Variants in DNA2 observed in about 807,000 individuals in gnomAD.
The protein encoded by DNA2 is DNA replication ATP-dependent helicase/nuclease DNA2.
A neutral mutation model predicts 119.1 loss-of-function variants in DNA2; 101 were observed. The ratio of observed to expected loss-of-function variants is 0.85; its 90% confidence interval spans 0.72 to 1.00. The LOEUF is 1.00. Ranked by LOEUF, DNA2 falls within the 50% of genes least tolerant of loss-of-function variation. DNA2 has a pLI of 0.00. For synonymous variants in DNA2, 366 were observed against 424.4 expected (o/e 0.86, Z 1.69); for missense variants, 1,121 against 1,255.5 (o/e 0.89, Z 1.62).
chr10:68,429,684 C>G (rs7901382), intron 14 of DNA2, among the ~76,000 whole-genome samples: 1 of 114,226 alleles, frequency 8.8e-6, no homozygotes, highest in Non-Finnish European at 1.7e-5. Flanking sequence ...TGCACTCCAG[C>G]CTGGGTGACA....
intron 18 of DNA2, 112 bp downstream of exon 18, chr10:68,419,691 C>T: frequency 1.4e-6 from 1 of 722,828 alleles, no homozygotes; most frequent in Non-Finnish European, 2.4e-6. Flanking sequence ...GGGCTTCAAT[C>T]CCCCCCTTAT....
chr10:68,454,940 A>ATT (rs113945256), intron 5 of DNA2, among the ~76,000 whole-genome samples: 11 of 138,674 alleles, frequency 7.9e-5, no homozygotes, highest in Admixed American at 1.4e-4. Flanking sequence ...TAAAATTAGG[A>ATT]TTTTTTTTTT....
intron 14 of DNA2, chr10:68,424,763 C>A: frequency 2.1e-6 from 3 of 1,415,434 alleles, no homozygotes; most frequent in East Asian, 2.3e-5. Context: ...AGCAAATTGG[C>A]AAGGTAGTCC....
At chr10:68,464,370 C>A (rs1389795122) in intron 4 of DNA2, among the ~76,000 whole-genome samples, 1 of 152,008 alleles carries the variant, frequency 6.6e-6, no homozygotes, top group African/African-American at 2.4e-5. Flanking sequence ...AAAAAATTAG[C>A]CGGGTGTGGT....
At chr10:68,459,317 A>G (rs1425710905) in intron 4 of DNA2, 82 bp from the exon 5 acceptor site, 6 of 1,376,280 alleles carry the variant, frequency 4.4e-6, no homozygotes, top group Non-Finnish European at 5.8e-6. Context: ...AAGTATAAAT[A>G]TGAGAAAAGT....
Position 68,446,365 on chromosome 10 carries a change from C to T in DNA2, c.988G>A (p.Ala330Thr). The change falls in exon 7 of 21, where the codon GCT becomes ACT. Residue 330 changes from alanine to threonine, a missense_variant. Ala to Thr is a moderately conservative substitution (Grantham distance 58). Coordinates refer to ENST00000358410, the MANE Select transcript of DNA2 (RefSeq NM_001080449.3). Reference sequence around the variant, plus strand: ...GTCTTGAGGTAGAGAAGCAAGCCAGCCTCTGGATCAGCTCTTCTCTCTTGG... The same window carrying T: ...GTCTTGAGGTAGAGAAGCAAGCCAGTCTCTGGATCAGCTCTTCTCTCTTGG... ...LSQERRADPEAGLLLYLKTGQ... is the reference protein window; with the variant it reads ...LSQERRADPETGLLLYLKTGQ... The T allele has an allele frequency of 6.3e-7, 1 of 1,599,128 alleles. No homozygotes were observed. Among genetic ancestry groups the T allele is most frequent in the Non-Finnish European group, 8.5e-7 (1 of 1,172,510 alleles).
Position 68,450,250 on chromosome 10 carries a change from GAAAA to G in DNA2, c.720-7_720-4del. The G allele has an allele frequency of 2.4e-6, 3 of 1,251,720 alleles. No homozygotes were observed. The highest frequency in any genetic ancestry group is 2.2e-6 in the Non-Finnish European group (2 of 919,314). 77.5% of individuals were successfully genotyped at this position (1,251,720 alleles called of 1,614,324 possible). On this transcript the variant is annotated splice_polypyrimidine_tract_variant and splice_region_variant and intron_variant, in intron 5 of 20. Transcript: ENST00000358410. ...TATCCTTACTATTATCACTTGGCCT[GAAAA>G]AAAAAAAAGCACAAAAACACTTAAT...
rs1274756561 is a variant in DNA2, at chr10:68,471,887, T to C, written c.-23A>G. 3.1e-6 allele frequency: 5 copies of C among 1,613,868 alleles called. No homozygotes were observed. Among genetic ancestry groups the C allele is most frequent in the South Asian group, 2.2e-5 (2 of 91,084 alleles). On this transcript the variant is annotated 5_prime_UTR_variant, in exon 1 of 21. Coordinates refer to ENST00000358410, the MANE Select transcript of DNA2 (RefSeq NM_001080449.3). ...CATCCTGGACGCGGGGATCGCAAAC[T>C]GTAGACAGAAAAGACAGCGGAACCG... is the stretch of plus-strand genomic sequence containing the variant.
intron 9 of DNA2, among the ~76,000 whole-genome samples, chr10:68,441,262 A>G (rs1032939438): frequency 6.6e-6 from 1 of 151,116 alleles, no homozygotes; most frequent in East Asian, 1.9e-4. Context: ...TTATCCCAGA[A>G]GTTCGAGGCT....
intron 4 of DNA2, among the ~76,000 whole-genome samples, chr10:68,462,985 A>G (rs1368574565): frequency 2.0e-5 from 3 of 151,948 alleles, no homozygotes; most frequent in African/African-American, 7.3e-5. Context: ...CAAAAAAATT[A>G]GCCGGCCATG....
Position 68,422,252 on chromosome 10 carries a change from A to G in DNA2, c.2670T>C (p.Asn890=). ...TGTCTGTATTAAGGAAACAAACAGGATTGTTGGGTTCAAATACTCCCATCA... is the reference window on the plus strand; with the variant it reads ...TGTCTGTATTAAGGAAACAAACAGGGTTGTTGGGTTCAAATACTCCCATCA... The part of the protein sequence containing the change: ...PWLMGVFEPN[N]PVCFLNTDKV... Residue 890 remains asparagine, a synonymous_variant, in exon 17 of 21, where the codon AAT becomes AAC. Coordinates refer to ENST00000358410, the MANE Select transcript of DNA2 (RefSeq NM_001080449.3). The G allele has an allele frequency of 1.2e-6, 2 of 1,610,502 alleles. No homozygotes were observed. Among genetic ancestry groups the G allele is most frequent in the Middle Eastern group, 1.7e-4 (1 of 6,042 alleles).
intron 4 of DNA2, 66 bp from the exon 5 acceptor site, chr10:68,459,301 A>T: frequency 1.4e-6 from 2 of 1,412,760 alleles, no homozygotes; most frequent in Non-Finnish European, 9.4e-7. Flanking sequence ...ATGATAGCGA[A>T]TATGAAAGTA....
In DNA2 at chr10:68,471,778, C is replaced by G. The variant is rs370226465; in HGVS notation, c.74+13G>C. The G allele has an allele frequency of 3.4e-4, 535 of 1,590,252 alleles. 1 individual carries two copies. The African/African-American group carries it at 5.7e-3, about 17-fold the overall frequency. On this transcript the variant is annotated intron_variant, in intron 1 of 20. Transcript: ENST00000358410. ...CCCGCTTTGTTCCCACACCCTCCCC[C>G]CTCTCCGCTCACAGCTCCGCCGGCA...
chr10:68,419,067 T>G lies in DNA2; in HGVS notation c.2934A>C (p.Leu978=), dbSNP rs1165840232. The G allele has an allele frequency of 6.2e-7, 1 of 1,610,370 alleles. No individual in the cohort carries two copies. Among genetic ancestry groups the G allele is most frequent in the Non-Finnish European group, 8.5e-7 (1 of 1,178,718 alleles). The stretch of plus-strand genomic sequence containing the variant: ...CCTTATTACTTCTAACAAAAGATAC[T>G]AGGACAATACTTTTGTCCCTTCCTT... ...KYQGRDKSIV[L]VSFVRSNKDG... The change falls in exon 19 of 21, where the codon CTA becomes CTC. Residue 978 remains leucine (L), a synonymous_variant. Transcript: ENST00000358410.
intron 14 of DNA2, among the ~76,000 whole-genome samples, chr10:68,429,882 AT>A (rs142420844): frequency 0.038 from 4,721 of 123,564 alleles, 53 homozygotes; most frequent in Non-Finnish European, 0.041. Flanking sequence ...AAAAACCCGG[AT>A]TTTTTTTTTT....
rs984674761 is a variant in DNA2, at chr10:68,470,176, C to T, written c.75-13G>A. On this transcript the variant is annotated splice_polypyrimidine_tract_variant and intron_variant, in intron 1 of 20. Coordinates refer to ENST00000358410, the MANE Select transcript of DNA2 (RefSeq NM_001080449.3). ...TTTCTTCTGAAATCTAAAGCACACACATACAAAACTATTTTAGCACAACCA... is the reference window on the plus strand; with the variant it reads ...TTTCTTCTGAAATCTAAAGCACACATATACAAAACTATTTTAGCACAACCA... 9 of 1,574,840 alleles carry T rather than the reference C, an allele frequency of 5.7e-6. No homozygotes were observed. In the Admixed American group the frequency reaches 1.0e-4, roughly 18 times the overall value.
chr10:68,465,717 T>A lies in DNA2; in HGVS notation c.537A>T (p.Leu179=). The A allele has an allele frequency of 6.2e-7, 1 of 1,608,602 alleles. No homozygotes were observed. The part of the protein sequence containing the change: ...AINNSFAPEK[L]QELAFQTIQE... ...GAATTGTTTGAAAAGCAAGTTCTTG[T>A]AGCTTTTCTGGGGCAAAGCTATTAT... The change falls in exon 4 of 21, where the codon CTA becomes CTT. Residue 179 remains leucine (L), a synonymous_variant. Coordinates refer to ENST00000358410, the MANE Select transcript of DNA2 (RefSeq NM_001080449.3).
chr10:68,448,592 T>G (rs1399923849), intron 6 of DNA2, among the ~76,000 whole-genome samples: 12 of 152,198 alleles, frequency 7.9e-5, no homozygotes, highest in Non-Finnish European at 1.2e-4. Flanking sequence ...TCCTCATTTT[T>G]TTCAATACAA....
chr10:68,447,361 T>C (rs1321523968), intron 6 of DNA2, among the ~76,000 whole-genome samples: 3 of 151,282 alleles, frequency 2.0e-5, no homozygotes, highest in African/African-American at 4.9e-5. Context: ...CTACTAAAAA[T>C]ACAAAAATTA....
Sources: gnomAD v4.1 joint callset for allele counts (sites outside exome capture counted in the v4.1 genomes callset) on GRCh38, gnomAD v4.1.1 for gene constraint, MANE v1.5 for transcripts, NCBI Gene and HGNC (gene_info 2026-07-23, HGNC 2026-07-21) for gene names.